ANO3: variants seen among roughly 807,000 people sequenced by gnomAD.
The protein encoded by ANO3 is anoctamin 3.
In ANO3, 99 loss-of-function variants were observed where a neutral mutation model predicts 144.8. That is an observed-to-expected ratio of 0.68 (90% CI 0.58 to 0.81). The LOEUF is 0.81. Ranked by LOEUF, ANO3 falls within the 30% of genes least tolerant of loss-of-function variation. ANO3 has a pLI of 0.00. For missense variants in ANO3, 905 were observed against 1,202.2 expected, an observed-to-expected ratio of 0.75 and a Z score of 3.66; for synonymous variants, 414 against 392.6, an observed-to-expected ratio of 1.05 and a Z score of -0.64.
upstream of ANO3, among the ~76,000 whole-genome samples, chr11:26,308,403 C>T (rs1854431922): frequency 6.6e-6 from 1 of 152,160 alleles, no homozygotes; most frequent in African/African-American, 2.4e-5. Context: ...ATTCACTCAA[C>T]CATTATAAAA....
intron 14 of ANO3, among the ~76,000 whole-genome samples, chr11:26,578,906 T>G (rs1194679164): frequency 6.6e-6 from 1 of 152,172 alleles, no homozygotes; most frequent in African/African-American, 2.4e-5. Flanking sequence ...GATATTCTGT[T>G]TTGTGGAGAT....
intron 6 of ANO3, among the ~76,000 whole-genome samples, chr11:26,520,050 T>C (rs1327889181): frequency 6.6e-6 from 1 of 152,202 alleles, no homozygotes; most frequent in Admixed American, 6.5e-5. Context: ...CAAATAAACT[T>C]CAAGGAACTC....
chr11:26,479,665 A>G (rs955226596), intron 4 of ANO3, among the ~76,000 whole-genome samples: 3 of 152,164 alleles, frequency 2.0e-5, no homozygotes, highest in African/African-American at 7.2e-5. Context: ...GATTATTACA[A>G]TTCAAGATGA....
intron 22 of ANO3, among the ~76,000 whole-genome samples, chr11:26,642,338 CTTTCTTTTTTT>C (rs1853185631): frequency 8.4e-6 from 1 of 119,236 alleles, no homozygotes; most frequent in Non-Finnish European, 1.7e-5. Context: ...TTCTTTCTTT[CTTTCTTTTTTT>C]TTTTTTTTTT....
At chr11:26,482,258 G>T (rs1344013744) in intron 4 of ANO3, among the ~76,000 whole-genome samples, 1 of 151,748 alleles carries the variant, frequency 6.6e-6, no homozygotes, top group Admixed American at 6.6e-5. Context: ...GGGTACATGT[G>T]CACAATGTGC....
chr11:26,530,741 C>T (rs1301935492), intron 7 of ANO3, among the ~76,000 whole-genome samples: 3 of 151,808 alleles, frequency 2.0e-5, no homozygotes, highest in East Asian at 1.9e-4. Flanking sequence ...TGGTGGCTCG[C>T]GCCTATACTC....
chr11:26,497,348 A>G (rs922618579), intron 4 of ANO3, among the ~76,000 whole-genome samples: 2 of 151,882 alleles, frequency 1.3e-5, no homozygotes, highest in African/African-American at 4.8e-5. Context: ...TTTTTGATAT[A>G]ATGGTTTCTT....
At chr11:26,452,051 A>C (rs1458047346) in intron 3 of ANO3, among the ~76,000 whole-genome samples, 2 of 152,340 alleles carry the variant, frequency 1.3e-5, no homozygotes, top group East Asian at 3.9e-4. Context: ...GAAAACTAAC[A>C]AAAAGGACAT....
chr11:26,471,292 A>G (rs1264593659), intron 4 of ANO3, among the ~76,000 whole-genome samples: 4 of 151,876 alleles, frequency 2.6e-5, no homozygotes, highest in Admixed American at 1.3e-4. Flanking sequence ...ACCCTGAAAC[A>G]TTACTCTGAA....
chr11:26,377,008 T>G (rs894053440), intron 1 of ANO3, among the ~76,000 whole-genome samples: 4 of 152,270 alleles, frequency 2.6e-5, no homozygotes, highest in Admixed American at 1.3e-4. Context: ...GAAAAAAGTC[T>G]ACATGAAAAA....
chr11:26,250,998 G>A (rs1311491240), intron 1 of ANO3, among the ~76,000 whole-genome samples: 7 of 152,054 alleles, frequency 4.6e-5, no homozygotes, highest in South Asian at 4.1e-4. Context: ...TTGTGATACC[G>A]TGACTGACTG....
intron 1 of ANO3, among the ~76,000 whole-genome samples, chr11:26,215,233 G>C (rs947246670): frequency 6.6e-6 from 1 of 151,946 alleles, no homozygotes. Flanking sequence ...CCTTGACCTA[G>C]TAGTAGCAAG....
At chr11:26,593,962 G>A (rs2350211) in intron 14 of ANO3, among the ~76,000 whole-genome samples, 43,989 of 151,932 alleles carry the variant, frequency 0.29, 6,725 homozygotes, top group South Asian at 0.46. Context: ...GGCCTAAGGC[G>A]GACTTTTGAA....
chr11:26,610,734 T>C (rs1389694347), intron 17 of ANO3, among the ~76,000 whole-genome samples: 1 of 152,174 alleles, frequency 6.6e-6, no homozygotes, highest in East Asian at 1.9e-4. Flanking sequence ...TTTTGTTTTT[T>C]GTTTTTGCAC....
intron 23 of ANO3, among the ~76,000 whole-genome samples, chr11:26,644,112 A>G (rs1590670880): frequency 6.6e-6 from 1 of 152,230 alleles, no homozygotes; most frequent in South Asian, 2.1e-4. Context: ...ACTTAGCACC[A>G]TGTGGTTTTC....
chr11:26,408,906 A>G (rs1857360703), intron 1 of ANO3, among the ~76,000 whole-genome samples: 2 of 151,104 alleles, frequency 1.3e-5, no homozygotes, highest in South Asian at 2.1e-4. Context: ...GTTCTCACTC[A>G]TAGGTGGGAA....
chr11:26,195,573 T>C (rs1174403369), intron 1 of ANO3, among the ~76,000 whole-genome samples: 2 of 152,168 alleles, frequency 1.3e-5, no homozygotes, highest in Non-Finnish European at 2.9e-5. Context: ...CCAAAGTGAC[T>C]AAGTTGTAGA....
At chr11:26,379,757 C>T (rs929661245) in intron 1 of ANO3, among the ~76,000 whole-genome samples, 1 of 152,138 alleles carries the variant, frequency 6.6e-6, no homozygotes, top group Non-Finnish European at 1.5e-5. Flanking sequence ...CATGCCACTG[C>T]ACTCCAGCCT....
At chr11:26,604,857 G>A (rs955628773) in intron 17 of ANO3, among the ~76,000 whole-genome samples, 4 of 152,182 alleles carry the variant, frequency 2.6e-5, no homozygotes, top group African/African-American at 9.6e-5. Context: ...CATGTCATCT[G>A]CAAACACAGA....
Sources: gnomAD v4.1 joint callset for allele counts (sites outside exome capture counted in the v4.1 genomes callset) on GRCh38, gnomAD v4.1.1 for gene constraint, MANE v1.5 for transcripts, NCBI Gene and HGNC (gene_info 2026-07-23, HGNC 2026-07-21) for gene names.